The following SMARCAL1 variants were observed in gnomAD, a reference collection of about 807,000 sequenced individuals.
SMARCAL1 encodes ATP-driven annealing helicase.
A neutral mutation model predicts 94.5 loss-of-function variants in SMARCAL1; 58 were observed. The ratio of observed to expected loss-of-function variants is 0.61; its 90% CI spans 0.50 to 0.76. The LOEUF is 0.76. SMARCAL1 is among the 30% of genes least tolerant of loss of function. The pLI is 0.00. For missense variants in SMARCAL1, 1,051 were observed against 1,177.9 expected, an observed-to-expected ratio of 0.89 and a Z score of 1.58; for synonymous variants, 422 against 455.1, an observed-to-expected ratio of 0.93 and a Z score of 0.93.
In SMARCAL1 at chr2:216,415,134, G is replaced by C. The variant is rs897578907; in HGVS notation, c.430G>C (p.Gly144Arg). ...PKQQLLSYEL[G>R]QGHAQASPEI... is the part of the protein sequence containing the mutation. ...ACAACAGCTCTTGAGTTATGAGTTA[G>C]GTCAAGGTCATGCTCAGGCTTCACC... The change falls in exon 3 of 18, where the codon GGT becomes CGT. Residue 144 changes from glycine (G) to arginine (R), a missense_variant. Physicochemically the swap from Gly to Arg is moderately radical, Grantham distance 125. Transcript: ENST00000357276. 1.2e-6 allele frequency: 2 copies of C among 1,612,976 alleles called. No homozygotes were observed. Among genetic ancestry groups the C allele is most frequent in the Non-Finnish European group, 1.7e-6 (2 of 1,179,248 alleles).
intron 3 of SMARCAL1, 24 bp downstream of exon 3, chr2:216,415,539 T>G (rs777260282): frequency 2.0e-4 from 31 of 155,882 alleles, no homozygotes; most frequent in African/African-American, 2.3e-4. Flanking sequence ...TTTTCAGCTG[T>G]TTTTTTTTTT....
At chr2:216,476,906 TTC>T (rs1439594889) in intron 15 of SMARCAL1, among the ~76,000 whole-genome samples, 1 of 152,178 alleles carries the variant, frequency 6.6e-6, no homozygotes, top group African/African-American at 2.4e-5. Context: ...CTGTTTTGGG[TTC>T]TCTCTTTTGT....
intron 11 of SMARCAL1, among the ~76,000 whole-genome samples, chr2:216,449,844 CT>C (rs200358087): frequency 4.2e-4 from 62 of 146,454 alleles, no homozygotes; most frequent in African/African-American, 8.0e-4. Flanking sequence ...GTAATGGCTT[CT>C]TTTTTTTTTT....
At chr2:216,414,244 G>A (rs188186162) in intron 2 of SMARCAL1, 121 of 161,926 alleles carry the variant, frequency 7.5e-4, no homozygotes, top group Admixed American at 3.5e-3. Flanking sequence ...TGCAACCTCT[G>A]CCTCCCAGGT....
At chr2:216,479,590 T>C (rs1401552500) in intron 17 of SMARCAL1, among the ~76,000 whole-genome samples, 1 of 152,286 alleles carries the variant, frequency 6.6e-6, no homozygotes, top group East Asian at 1.9e-4. Context: ...TTGCTAAATA[T>C]TGGGATAAAT....
At chr2:216,434,335 A>G (rs754098540) in intron 8 of SMARCAL1, among the ~76,000 whole-genome samples, 7 of 152,160 alleles carry the variant, frequency 4.6e-5, no homozygotes, top group Non-Finnish European at 1.0e-4. Context: ...ATTGCCAGAG[A>G]GAGAAGGTAG....
chr2:216,434,984 G>A (rs1421708964), intron 8 of SMARCAL1, among the ~76,000 whole-genome samples: 5 of 151,056 alleles, frequency 3.3e-5, no homozygotes, highest in African/African-American at 4.9e-5. Flanking sequence ...TCAGCCTTCC[G>A]AGTAGCTGGG....
intron 17 of SMARCAL1, among the ~76,000 whole-genome samples, chr2:216,480,501 TGCAGTCATTCAGAAAGAG>T (rs1244222770): frequency 6.6e-6 from 1 of 152,202 alleles, no homozygotes; most frequent in Non-Finnish European, 1.5e-5. Flanking sequence ...TCCTTGACAT[TGCAGTCATTCAGAAAGAG>T]GCTGATGAGG....
At chr2:216,477,018 C>A in intron 15 of SMARCAL1, 91 bp from the exon 16 acceptor site, 2 of 1,011,652 alleles carry the variant, frequency 2.0e-6, no homozygotes, top group Non-Finnish European at 3.0e-6. Context: ...TGTGGTGGGA[C>A]TGGAAATGGG....
chr2:216,449,861 A>T (rs1694404645), intron 11 of SMARCAL1, among the ~76,000 whole-genome samples: 3 of 151,384 alleles, frequency 2.0e-5, no homozygotes, highest in Admixed American at 2.0e-4. Flanking sequence ...TTTTTGAGAC[A>T]GAGTCTTGCT....
chr2:216,459,897 A>C (rs1334976459), intron 12 of SMARCAL1, among the ~76,000 whole-genome samples: 12 of 152,082 alleles, frequency 7.9e-5, no homozygotes, highest in African/African-American at 2.7e-4. Flanking sequence ...AGTGAACAGG[A>C]AACCTACAGA....
chr2:216,464,257 G>A (rs1694778788), intron 12 of SMARCAL1, among the ~76,000 whole-genome samples: 3 of 152,248 alleles, frequency 2.0e-5, no homozygotes, highest in Admixed American at 6.5e-5. Flanking sequence ...GCTTAGCCAA[G>A]GCCACATTTC....
intron 3 of SMARCAL1, 26 bp downstream of exon 3, chr2:216,415,541 T>G (rs1693579423): frequency 3.0e-6 from 4 of 1,318,910 alleles, no homozygotes; most frequent in Non-Finnish European, 3.9e-6. Context: ...TTCAGCTGTT[T>G]TTTTTTTTTT....
At chr2:216,459,354 CA>C (rs1290708955) in intron 12 of SMARCAL1, among the ~76,000 whole-genome samples, 1 of 152,074 alleles carries the variant, frequency 6.6e-6, no homozygotes, top group East Asian at 1.9e-4. Flanking sequence ...CATATGGAAC[CA>C]AAAAAGAGCC....
chr2:216,415,880 G>T, intron 3 of SMARCAL1: 2 of 383,462 alleles, frequency 5.2e-6, no homozygotes, highest in South Asian at 5.1e-5. Context: ...TAAGTGACAG[G>T]CCCAGTTTCA....
intron 13 of SMARCAL1, among the ~76,000 whole-genome samples, chr2:216,466,493 A>T (rs1452825770): frequency 6.6e-6 from 1 of 151,850 alleles, no homozygotes; most frequent in African/African-American, 2.4e-5. Flanking sequence ...TGTCTTCAAA[A>T]CCCCAATTTC....
chr2:216,445,693 A>G (rs1038150857), intron 10 of SMARCAL1, among the ~76,000 whole-genome samples: 7 of 152,180 alleles, frequency 4.6e-5, no homozygotes, highest in South Asian at 2.1e-4. Context: ...ATGAGTCTGC[A>G]TTAAACCGTG....
At chr2:216,469,279 C>CTTTTTTTTTTTTTTTTTTTTTTTTTTTTT in intron 14 of SMARCAL1, among the ~76,000 whole-genome samples, 1 of 102,998 alleles carries the variant, frequency 9.7e-6, no homozygotes, top group African/African-American at 3.8e-5. Context: ...TTAGAGATTT[C>CTTTTTTTTTTTTTTTTTTTTTTTTTTTTT]TTTTTTTTTT....
At chr2:216,463,127 GA>G (rs1411785693) in intron 12 of SMARCAL1, among the ~76,000 whole-genome samples, 1 of 152,178 alleles carries the variant, frequency 6.6e-6, no homozygotes, top group African/African-American at 2.4e-5. Context: ...CAAGGCTATA[GA>G]TGTTATTGCT....
Sources: allele counts gnomAD v4.1 joint callset (sites outside exome capture counted in the v4.1 genomes callset), GRCh38; gene constraint gnomAD v4.1.1; transcripts MANE v1.5; gene names NCBI Gene and HGNC (gene_info 2026-07-23, HGNC 2026-07-21).